CMYA5: variants seen among roughly 807,000 people sequenced by gnomAD.
CMYA5 encodes cardiomyopathy-associated protein 5.
CMYA5 carries 246 observed loss-of-function variants against 318.9 expected under a neutral mutation model. The ratio of observed to expected loss-of-function variants is 0.77; its 90% CI spans 0.70 to 0.86. The LOEUF (loss-of-function observed/expected upper bound fraction) is 0.86, where lower values mean the gene tolerates loss of function less well. CMYA5 is among the 40% of genes least tolerant of loss of function. The pLI, the probability that CMYA5 is intolerant of heterozygous loss-of-function variation, is 0.00. For missense variants in CMYA5, 4,589 were observed against 4,678.2 expected, an observed-to-expected ratio of 0.98 and a Z score of 0.56; for synonymous variants, 1,641 against 1,729.5, an observed-to-expected ratio of 0.95 and a Z score of 1.27.
chr5:79,752,623 C>A, intron 5 of CMYA5, 53 bp from the exon 6 acceptor site: 3 of 1,348,172 alleles, frequency 2.2e-6, no homozygotes, highest in Non-Finnish European at 2.1e-6. Flanking sequence ...TTTTCACTTT[C>A]ATTCTGTATG....
At position 79,738,769 on chromosome 5, in the gene CMYA5, A is replaced by G. The variant is rs376811646; in HGVS notation, c.10004A>G (p.Lys3335Arg). 4 of 1,613,790 alleles carry G rather than the reference A, an allele frequency of 2.5e-6. No homozygotes were observed. The highest frequency in any genetic ancestry group is 3.4e-6 in the Non-Finnish European group (4 of 1,179,872). ...ITEDVRVATQ[K>R]ISYAVPFEDT... is the part of the protein sequence containing the mutation. Reference sequence around the variant, plus strand: ...GAGGACGTCAGAGTGGCTACCCAGAAAATAAGTTATGCGGTTCCATTTGAA... The same window carrying G: ...GAGGACGTCAGAGTGGCTACCCAGAGAATAAGTTATGCGGTTCCATTTGAA... Residue 3335 changes from lysine to arginine, a missense_variant, in exon 2 of 13, where the codon AAA becomes AGA. Physicochemically the swap from Lys to Arg is conservative, Grantham distance 26. This residue lies in a region of CMYA5 where 2,431 missense variants were observed against 2,495.1 expected (regional missense o/e 0.97). Transcript: ENST00000446378.
chr5:79,752,283 C>G (rs546612171), intron 5 of CMYA5, among the ~76,000 whole-genome samples: 20 of 152,244 alleles, frequency 1.3e-4, no homozygotes, highest in African/African-American at 4.6e-4. Flanking sequence ...TAGATGTGCT[C>G]TTAGCATTTT....
chr5:79,735,503 T>C lies in CMYA5; in HGVS notation c.6738T>C (p.Ala2246=). The C allele has an allele frequency of 1.2e-6, 2 of 1,613,700 alleles. No homozygotes were observed. The highest frequency in any genetic ancestry group is 1.7e-6 in the Non-Finnish European group (2 of 1,179,774). The stretch of plus-strand genomic sequence containing the variant: ...TATCAGAGGTAAAACTTAAAACTGC[T>C]GATGAACCCAGAGGTACTTTAGTAA... The part of the protein sequence containing the change: ...HSLSEVKLKT[A]DEPRGTLVKS... Residue 2246 remains alanine (A), a synonymous_variant, in exon 2 of 13, where the codon GCT becomes GCC. Transcript: ENST00000446378.
intron 9 of CMYA5, among the ~76,000 whole-genome samples, chr5:79,765,705 A>G (rs1218339130): frequency 6.6e-6 from 1 of 152,124 alleles, no homozygotes; most frequent in African/African-American, 2.4e-5. Flanking sequence ...GGTCCTTCAT[A>G]TCCCTTGTAA....
rs1466603245 is a variant in CMYA5, at chr5:79,737,869, C to G, written c.9104C>G (p.Ser3035Ter). The G allele has an allele frequency of 2.5e-6, 4 of 1,598,474 alleles. No homozygotes were observed. In the African/African-American group the frequency reaches 5.4e-5, roughly 22 times the overall value. ...ACAAAAGAAGAGATATCCACAGATTCAGAAACTGATTTATCATTTATTCAG... is the reference window on the plus strand; with the variant it reads ...ACAAAAGAAGAGATATCCACAGATTGAGAAACTGATTTATCATTTATTCAG... ...HKTKEEISTD[S>*]ETDLSFIQPT... The change falls in exon 2 of 13, where the codon TCA (serine) becomes TGA (stop). Residue 3035 changes from serine (S) to a stop codon, truncating the protein, a stop_gained. Transcript: ENST00000446378. LOFTEE classifies it high-confidence loss of function.
intron 12 of CMYA5, among the ~76,000 whole-genome samples, chr5:79,794,103 G>A (rs1269566147): frequency 1.3e-5 from 2 of 152,198 alleles, no homozygotes; most frequent in Non-Finnish European, 2.9e-5. Flanking sequence ...GAGTGAGGAA[G>A]AAGTGGATCT....
In CMYA5 at chr5:79,733,251, G is replaced by C. The variant is rs1827961898; in HGVS notation, c.4486G>C (p.Asp1496His). ...SEEARVEDKQDLLFSTVCDSE... is the reference protein window; with the variant it reads ...SEEARVEDKQHLLFSTVCDSE... Reference sequence around the variant, plus strand: ...GGAAGCAAGGGTAGAAGACAAACAAGATCTTTTATTTTCTACAGTCTGTGA... The same window carrying C: ...GGAAGCAAGGGTAGAAGACAAACAACATCTTTTATTTTCTACAGTCTGTGA... The change falls in exon 2 of 13, where the codon GAT becomes CAT. Residue 1496 changes from aspartate (D) to histidine (H), a missense_variant. Asp to His is a moderately conservative substitution (Grantham distance 81, BLOSUM62 -1). This residue lies in a region of CMYA5 where 2,132 missense variants were observed against 2,131.3 expected (regional missense o/e 1.00). Coordinates refer to ENST00000446378, the MANE Select transcript of CMYA5 (RefSeq NM_153610.5). 2.5e-6 allele frequency: 4 copies of C among 1,613,614 alleles called. No homozygotes were observed. Among genetic ancestry groups the C allele is most frequent in the Non-Finnish European group, 1.7e-6 (2 of 1,179,814 alleles).
At chr5:79,706,535 G>A (rs770038969) in intron 1 of CMYA5, among the ~76,000 whole-genome samples, 1 of 152,146 alleles carries the variant, frequency 6.6e-6, no homozygotes, top group Non-Finnish European at 1.5e-5. Context: ...GCCTAGAAGA[G>A]TCATGGCAAG....
chr5:79,722,573 G>A (rs1827661526), intron 1 of CMYA5, among the ~76,000 whole-genome samples: 1 of 151,532 alleles, frequency 6.6e-6, no homozygotes, highest in South Asian at 2.1e-4. Context: ...GCTACTTTGG[G>A]AGGCTGAGGT....
chr5:79,795,992 G>C (rs1829268240), intron 12 of CMYA5, among the ~76,000 whole-genome samples: 1 of 152,204 alleles, frequency 6.6e-6, no homozygotes, highest in Non-Finnish European at 1.5e-5. Flanking sequence ...TGGAATGTGT[G>C]CTCGGCCAGA....
At chr5:79,768,762 A>AT (rs34839250) in intron 9 of CMYA5, among the ~76,000 whole-genome samples, 31,081 of 151,880 alleles carry the variant, frequency 0.2, 3,302 homozygotes, top group East Asian at 0.31. Flanking sequence ...GAATCAGATG[A>AT]TTATGTGTCT....
At chr5:79,747,152 G>T in intron 5 of CMYA5, 39 bp downstream of exon 5, 1 of 1,510,882 alleles carries the variant, frequency 6.6e-7, no homozygotes, top group South Asian at 1.3e-5. Flanking sequence ...CAAACAGCAT[G>T]ACTGGATGCT....
At position 79,799,861 on chromosome 5, in the gene CMYA5, T is replaced by A; in HGVS notation, c.*245T>A. ...TTTAGTTTATATAAGTTTGAGTTCT[T>A]TCCTAAATTAAAAGATCTACACTTG... is the stretch of plus-strand genomic sequence containing the variant. On this transcript the variant is annotated 3_prime_UTR_variant, in exon 13 of 13. Coordinates refer to ENST00000446378, the MANE Select transcript of CMYA5 (RefSeq NM_153610.5). 1.5e-5 allele frequency: 3 copies of A among 206,694 alleles called. No individual in the cohort carries two copies. The highest frequency in any genetic ancestry group is 1.5e-4 in the South Asian group (1 of 6,850). 12.8% of individuals were successfully genotyped at this position (206,694 alleles called of 1,614,324 possible).
In CMYA5 at chr5:79,733,560, T is replaced by G. The variant is rs1428224; in HGVS notation, c.4795T>G (p.Ser1599Ala). Residue 1599 changes from serine (S) to alanine (A), a missense_variant, in exon 2 of 13, where the codon TCT (serine) becomes GCT (alanine). Physicochemically the swap from Ser to Ala is moderately conservative, Grantham distance 99 (BLOSUM62 1). Coordinates refer to ENST00000446378, the MANE Select transcript of CMYA5 (RefSeq NM_153610.5). ...TAAGAACAAACCGGCAGTGGAGGTA[T>G]CTTCTACAGCTCAGGGAGACTTCCC... ...DDKNKPAVEVSSTAQGDFPSE... is the reference protein window; with the variant it reads ...DDKNKPAVEVASTAQGDFPSE... The G allele has an allele frequency of 0.12, 191,749 of 1,613,632 alleles. 21,761 individuals are homozygous for G. The highest frequency in any genetic ancestry group is 0.53 in the African/African-American group (39,596 of 74,908).
intron 1 of CMYA5, among the ~76,000 whole-genome samples, chr5:79,708,681 T>A (rs1276655634): frequency 6.6e-6 from 1 of 152,110 alleles, no homozygotes; most frequent in African/African-American, 2.4e-5. Context: ...GGCTCACTCC[T>A]GTAATCCCAG....
At chr5:79,759,023 A>G in intron 7 of CMYA5, 121 bp downstream of exon 7, 1 of 829,990 alleles carries the variant, frequency 1.2e-6, no homozygotes, top group Non-Finnish European at 1.7e-6. Flanking sequence ...TTTACAAAAC[A>G]ACAACAAAAC....
chr5:79,766,469 G>A (rs1828753310), intron 9 of CMYA5, among the ~76,000 whole-genome samples: 1 of 152,186 alleles, frequency 6.6e-6, no homozygotes, highest in Non-Finnish European at 1.5e-5. Flanking sequence ...ATTATTTTGA[G>A]ATACATTCAA....
intron 3 of CMYA5, 58 bp from the exon 4 acceptor site, chr5:79,745,164 A>T: frequency 8.4e-7 from 1 of 1,191,832 alleles, no homozygotes; most frequent in East Asian, 2.6e-5. Flanking sequence ...CAAAAAAAAA[A>T]AAAAGCAGCA....
At chr5:79,757,077 C>T (rs1580789937) in intron 6 of CMYA5, among the ~76,000 whole-genome samples, 1 of 151,784 alleles carries the variant, frequency 6.6e-6, no homozygotes, top group Admixed American at 6.6e-5. Context: ...CGCCTGTAAT[C>T]CCAGCTACTA....
Sources: gnomAD v4.1 joint callset for allele counts (sites outside exome capture counted in the v4.1 genomes callset) on GRCh38, gnomAD v4.1.1 for gene constraint, gnomAD v4.1.1 regional missense constraint, MANE v1.5 for transcripts, NCBI Gene and HGNC (gene_info 2026-07-23, HGNC 2026-07-21) for gene names.